Variants in LRP1B observed in about 807,000 individuals in gnomAD.
LRP1B encodes low-density lipoprotein receptor-related protein 1B.
In LRP1B, 217 loss-of-function variants were observed where a neutral mutation model predicts 556.6. That is an observed-to-expected ratio of 0.39 (90% CI 0.35 to 0.44). The LOEUF is 0.44. Ranked by LOEUF, LRP1B falls within the 20% of genes least tolerant of loss-of-function variation. The pLI is 1.00. For missense variants in LRP1B, 5,053 were observed against 5,620.8 expected, an observed-to-expected ratio of 0.90 and a Z score of 3.23; for synonymous variants, 2,047 against 1,865.8, an observed-to-expected ratio of 1.10 and a Z score of -2.50.
rs1192847581 is a variant in LRP1B, at chr2:141,415,042, T to C, written c.343+65354A>G. Among the ~76,000 whole-genome samples, 12 of 152,204 alleles carry C rather than the reference T, an allele frequency of 7.9e-5. No homozygotes were observed. In the East Asian group the frequency reaches 1.7e-3, roughly 22 times the overall value. ...TGTTTTGTTTTGTTTTGAGACGGAG[T>C]CTTGCTCTGTCACCCAGGCTGAAGT... is the stretch of plus-strand genomic sequence containing the variant. On this transcript the variant is annotated intron_variant, in intron 3 of 90. Transcript: ENST00000389484.
chr2:140,484,695 A>G (rs1688393161), intron 59 of LRP1B, among the ~76,000 whole-genome samples: 1 of 152,172 alleles, frequency 6.6e-6, no homozygotes, highest in Non-Finnish European at 1.5e-5. Flanking sequence ...CATAATCTAT[A>G]GAACTTTAGC....
chr2:140,357,115 G>T (rs775852964), intron 74 of LRP1B, among the ~76,000 whole-genome samples: 2 of 151,598 alleles, frequency 1.3e-5, no homozygotes, highest in Non-Finnish European at 1.5e-5. Flanking sequence ...CTCCCATTCA[G>T]GAAAACATTT....
At chr2:141,835,240 T>C (rs1697238796) in intron 1 of LRP1B, among the ~76,000 whole-genome samples, 1 of 151,992 alleles carries the variant, frequency 6.6e-6, no homozygotes, top group African/African-American at 2.4e-5. Flanking sequence ...TGTACTGATC[T>C]AAATCACTCA....
At chr2:141,049,485 C>T (rs536106360) in intron 10 of LRP1B, among the ~76,000 whole-genome samples, 16 of 152,184 alleles carry the variant, frequency 1.1e-4, no homozygotes, top group African/African-American at 3.4e-4. Flanking sequence ...AAAAACATGA[C>T]AGATCATTAG....
At chr2:141,972,254 T>G (rs1289245630) in intron 1 of LRP1B, among the ~76,000 whole-genome samples, 2 of 151,622 alleles carry the variant, frequency 1.3e-5, no homozygotes. Context: ...TTTAAAGAAT[T>G]TTTTAAAGTA....
chr2:140,520,883 A>G (rs535078610), intron 49 of LRP1B, among the ~76,000 whole-genome samples: 4 of 151,476 alleles, frequency 2.6e-5, no homozygotes, highest in African/African-American at 9.7e-5. Context: ...TTGGAATTAA[A>G]AAAAATCACT....
intron 7 of LRP1B, among the ~76,000 whole-genome samples, chr2:141,168,765 A>G (rs1680371362): frequency 6.6e-6 from 1 of 152,046 alleles, no homozygotes; most frequent in Non-Finnish European, 1.5e-5. Flanking sequence ...AATGTGTGAC[A>G]TGTAGCAAGT....
chr2:141,946,736 G>A (rs1700963960), intron 1 of LRP1B, among the ~76,000 whole-genome samples: 1 of 152,110 alleles, frequency 6.6e-6, no homozygotes, highest in Non-Finnish European at 1.5e-5. Flanking sequence ...GATAGTCTGT[G>A]AAACAATGGC....
intron 11 of LRP1B, among the ~76,000 whole-genome samples, chr2:141,033,130 G>A (rs1326964097): frequency 6.6e-6 from 1 of 151,814 alleles, no homozygotes; most frequent in Non-Finnish European, 1.5e-5. Flanking sequence ...ACAGCACGTG[G>A]TAAAGGCCCT....
chr2:140,673,880 G>A (rs1685573349), intron 41 of LRP1B, among the ~76,000 whole-genome samples: 1 of 151,620 alleles, frequency 6.6e-6, no homozygotes, highest in African/African-American at 2.4e-5. Flanking sequence ...ACTCTTTGTA[G>A]CAATAACATA....
intron 79 of LRP1B, among the ~76,000 whole-genome samples, chr2:140,333,660 C>G (rs75078298): frequency 6.6e-6 from 1 of 151,962 alleles, no homozygotes; most frequent in Non-Finnish European, 1.5e-5. Flanking sequence ...ATATGTACTA[C>G]GAACAATGCA....
chr2:141,298,468 G>A (rs1686268359), intron 3 of LRP1B, among the ~76,000 whole-genome samples: 1 of 152,096 alleles, frequency 6.6e-6, no homozygotes, highest in Non-Finnish European at 1.5e-5. Context: ...CAAAAAATTA[G>A]GACACTAAAG....
chr2:141,841,373 C>T (rs1049861589), intron 1 of LRP1B, among the ~76,000 whole-genome samples: 1 of 152,078 alleles, frequency 6.6e-6, no homozygotes, highest in Non-Finnish European at 1.5e-5. Context: ...ACCAGATTCT[C>T]GTTTGTTACA....
Position 140,415,470 on chromosome 2 carries a change from T to A in LRP1B, c.10414+27034A>T, listed in dbSNP as rs376059672. ...TTTGAGGCTCAGGTGGGTATCATGG[T>A]CCTACCAATATGGGATGTCACCTCT... On this transcript the variant is annotated intron_variant, in intron 66 of 90. Transcript: ENST00000389484. Among the ~76,000 whole-genome samples the A allele has an allele frequency of 3.3e-5, 5 of 152,158 alleles. No homozygotes were observed. The East Asian group carries it at 5.8e-4, about 18-fold the overall frequency.
intron 17 of LRP1B, among the ~76,000 whole-genome samples, chr2:140,985,622 T>C (rs112365410): frequency 0.023 from 3,479 of 152,098 alleles, 69 homozygotes; most frequent in South Asian, 0.034. Context: ...ACACCCTGAC[T>C]GTGTCCACTT....
chr2:141,455,767 A>G (rs1681607365), intron 3 of LRP1B, among the ~76,000 whole-genome samples: 1 of 152,224 alleles, frequency 6.6e-6, no homozygotes, highest in Admixed American at 6.5e-5. Context: ...GCACAAAGGA[A>G]GAGACAGACC....
intron 31 of LRP1B, among the ~76,000 whole-genome samples, chr2:140,830,399 C>G (rs1691675010): frequency 6.6e-6 from 1 of 152,066 alleles, no homozygotes; most frequent in Admixed American, 6.5e-5. Context: ...AAAGATTATT[C>G]ACCACAATCA....
chr2:141,810,211 T>C, intron 2 of LRP1B, 68 bp downstream of exon 2: 5 of 1,517,654 alleles, frequency 3.3e-6, no homozygotes, highest in Middle Eastern at 3.5e-4. Flanking sequence ...CAGTCATCTG[T>C]GAAAACAACT....
intron 32 of LRP1B, among the ~76,000 whole-genome samples, chr2:140,782,479 G>A (rs1296603962): frequency 2.6e-5 from 4 of 152,024 alleles, no homozygotes; most frequent in Admixed American, 6.6e-5. Flanking sequence ...AATAAGGAGA[G>A]TGACCTTAGA....
Sources: allele counts gnomAD v4.1 joint callset (sites outside exome capture counted in the v4.1 genomes callset), GRCh38; gene constraint gnomAD v4.1.1; transcripts MANE v1.5; gene names NCBI Gene and HGNC (gene_info 2026-07-23, HGNC 2026-07-21).